The following HDAC9 variants were observed in gnomAD, a reference collection of about 807,000 sequenced individuals.
HDAC9 encodes the protein histone deacetylase 9, also known as MEF-2 interacting transcription repressor (MITR) protein.
In HDAC9, 41 loss-of-function variants were observed where a neutral mutation model predicts 139.4. The observed-to-expected ratio is 0.29, with a 90% CI of 0.23 to 0.38. The LOEUF is 0.38. Ranked by LOEUF, HDAC9 falls within the 10% of genes least tolerant of loss-of-function variation. The pLI, the probability that HDAC9 is intolerant of heterozygous loss-of-function variation, is 1.00. For synonymous variants in HDAC9, 517 were observed against 476.2 expected, an observed-to-expected ratio of 1.09 and a Z score of -1.12; for missense variants, 1,147 against 1,297.0, an observed-to-expected ratio of 0.88 and a Z score of 1.78.
At chr7:18,755,509 A>T (rs1437289450) in intron 14 of HDAC9, among the ~76,000 whole-genome samples, 1 of 152,192 alleles carries the variant, frequency 6.6e-6, no homozygotes, top group Non-Finnish European at 1.5e-5. Context: ...TGTTTCATAC[A>T]TGATGACCAG....
chr7:18,576,610 C>T (rs773999181), intron 2 of HDAC9, among the ~76,000 whole-genome samples: 22 of 147,230 alleles, frequency 1.5e-4, no homozygotes, highest in African/African-American at 1.0e-4. Context: ...TGCAGTGAGC[C>T]GAGATCGCGC....
At chr7:18,278,037 G>C (rs767705519) in intron 2 of HDAC9, among the ~76,000 whole-genome samples, 1 of 152,100 alleles carries the variant, frequency 6.6e-6, no homozygotes, top group Non-Finnish European at 1.5e-5. Flanking sequence ...TAGCAACATC[G>C]TACAAACAAG....
Position 18,627,083 on chromosome 7 carries a change from T to C in HDAC9, c.665-2267T>C, listed in dbSNP as rs1049237986. 4.6e-5 allele frequency among the ~76,000 whole-genome samples: 7 copies of C among 152,208 alleles called. 1 individual carries two copies. The highest frequency in any genetic ancestry group is 1.7e-4 in the African/African-American group (7 of 41,450). Reference sequence around the variant, plus strand: ...TTCACAGTTATTCTCAGGTATCTAATTGGAAAGGCTTTAAGCTATGTTTCA... The same window carrying C: ...TTCACAGTTATTCTCAGGTATCTAACTGGAAAGGCTTTAAGCTATGTTTCA... On this transcript the variant is annotated intron_variant, in intron 6 of 25. Transcript: ENST00000686413.
intron 17 of HDAC9, among the ~76,000 whole-genome samples, chr7:18,824,142 G>T (rs1186453764): frequency 6.6e-6 from 1 of 151,484 alleles, no homozygotes; most frequent in Non-Finnish European, 1.5e-5. Flanking sequence ...CCCGCTTTGT[G>T]AGTGCTCAGA....
intron 14 of HDAC9, among the ~76,000 whole-genome samples, chr7:18,749,898 G>T (rs957508522): frequency 5.3e-4 from 80 of 152,130 alleles, no homozygotes; most frequent in African/African-American, 1.9e-3. Context: ...CCCTTCATGG[G>T]TTTTCTCACA....
At chr7:18,982,415 C>T (rs760327186) in intron 25 of HDAC9, among the ~76,000 whole-genome samples, 32 of 152,152 alleles carry the variant, frequency 2.1e-4, no homozygotes, top group Admixed American at 7.9e-4. Flanking sequence ...TAGACTCATA[C>T]CTATAATTCC....
At chr7:18,338,765 C>G (rs1455480259) in intron 1 of HDAC9, among the ~76,000 whole-genome samples, 1 of 151,354 alleles carries the variant, frequency 6.6e-6, no homozygotes, top group African/African-American at 2.4e-5. Context: ...CAGGGTAATT[C>G]TGATCCCATA....
At chr7:18,774,952 G>A (rs960876856) in intron 16 of HDAC9, among the ~76,000 whole-genome samples, 3 of 152,010 alleles carry the variant, frequency 2.0e-5, no homozygotes, top group African/African-American at 7.2e-5. Context: ...TTGAGAGTGA[G>A]AGACGTGCAA....
At chr7:18,772,852 G>GA (rs1462067696) in intron 16 of HDAC9, among the ~76,000 whole-genome samples, 2 of 151,908 alleles carry the variant, frequency 1.3e-5, no homozygotes, top group Non-Finnish European at 1.5e-5. Flanking sequence ...CTCAGACTTC[G>GA]AAAAAATGCA....
intron 14 of HDAC9, among the ~76,000 whole-genome samples, chr7:18,752,494 C>T (rs1368967940): frequency 6.6e-6 from 1 of 152,100 alleles, no homozygotes; most frequent in Non-Finnish European, 1.5e-5. Flanking sequence ...CTAGAAGGGG[C>T]TATCAGAAGT....
Position 18,625,066 on chromosome 7 carries a change from A to G in HDAC9, c.665-4284A>G, listed in dbSNP as rs974262899. 8.5e-5 allele frequency among the ~76,000 whole-genome samples: 13 copies of G among 152,140 alleles called. 1 individual carries two copies. Among genetic ancestry groups the G allele is most frequent in the Non-Finnish European group, 1.8e-4 (12 of 68,034 alleles). ...GTCCTCAGATCATCACAATGCCTCA[A>G]ATGTTATCCTTTCTAAAACTGAGAA... On this transcript the variant is annotated intron_variant, in intron 6 of 25. Coordinates refer to ENST00000686413, the MANE Select transcript of HDAC9 (RefSeq NM_178425.4).
intron 2 of HDAC9, among the ~76,000 whole-genome samples, chr7:18,203,034 G>A (rs1294039514): frequency 6.6e-6 from 1 of 152,208 alleles, no homozygotes; most frequent in African/African-American, 2.4e-5. Context: ...CTTTATAAAT[G>A]TGAGCTGTTA....
At chr7:18,285,636 T>G (rs1797387573), upstream of HDAC9, among the ~76,000 whole-genome samples, 1 of 152,092 alleles carries the variant, frequency 6.6e-6, no homozygotes, top group Non-Finnish European at 1.5e-5. Flanking sequence ...TTAGCATCAA[T>G]GATATATGAA....
chr7:18,800,532 GT>G (rs367852225), intron 17 of HDAC9, among the ~76,000 whole-genome samples: 52 of 152,208 alleles, frequency 3.4e-4, no homozygotes, highest in Non-Finnish European at 6.5e-4. Flanking sequence ...TCTTAATCAA[GT>G]TTTATAATTT....
chr7:18,499,237 G>T (rs1797738190), intron 2 of HDAC9, among the ~76,000 whole-genome samples: 1 of 152,034 alleles, frequency 6.6e-6, no homozygotes, highest in Non-Finnish European at 1.5e-5. Flanking sequence ...TTTAGCAATT[G>T]CATTAGAGTT....
In HDAC9 at chr7:18,618,600, A is replaced by G. The variant is rs554103477; in HGVS notation, c.665-10750A>G. ...CCCCACTCTCTCACGCAGTCAGTTC[A>G]CATGTAGCTCTTATGAACTGTCTGA... On this transcript the variant is annotated intron_variant, in intron 6 of 25. Transcript: ENST00000686413. 4.6e-5 allele frequency among the ~76,000 whole-genome samples: 7 copies of G among 151,936 alleles called. No individual in the cohort carries two copies. The East Asian group carries it at 1.4e-3, about 29-fold the overall frequency.
intron 12 of HDAC9, among the ~76,000 whole-genome samples, chr7:18,694,683 A>G (rs1281596627): frequency 1.3e-5 from 2 of 152,184 alleles, no homozygotes; most frequent in Middle Eastern, 3.4e-3. Context: ...GGTGGAGAGG[A>G]TGGGCTGATT....
chr7:18,285,043 A>G (rs1175411430), intron 2 of HDAC9, among the ~76,000 whole-genome samples: 1 of 152,176 alleles, frequency 6.6e-6, no homozygotes, highest in Non-Finnish European at 1.5e-5. Flanking sequence ...CCACTAAACC[A>G]AAGTAAAATG....
chr7:18,489,451 T>A (rs890326523), intron 1 of HDAC9, among the ~76,000 whole-genome samples: 1 of 152,062 alleles, frequency 6.6e-6, no homozygotes, highest in Non-Finnish European at 1.5e-5. Context: ...AGGTATTGTA[T>A]AATTCTCTAT....
Sources: allele counts gnomAD v4.1 joint callset (sites outside exome capture counted in the v4.1 genomes callset), GRCh38; gene constraint gnomAD v4.1.1; transcripts MANE v1.5; gene names NCBI Gene and HGNC (gene_info 2026-07-23, HGNC 2026-07-21).